The following IKBKE variants were observed in gnomAD, a reference collection of about 807,000 sequenced individuals.
IKBKE encodes the protein inhibitor of nuclear factor kappa-B kinase subunit epsilon.
A neutral mutation model predicts 92.1 loss-of-function variants in IKBKE; 45 were observed. The ratio of observed to expected loss-of-function variants is 0.49; its 90% CI spans 0.38 to 0.63. The LOEUF (loss-of-function observed/expected upper bound fraction) is 0.63. IKBKE is among the 20% of genes least tolerant of loss of function. The pLI is 0.00. For synonymous variants in IKBKE, 374 were observed against 380.3 expected (o/e 0.98, Z 0.19); for missense variants, 700 against 932.8 (o/e 0.75, Z 3.25).
intron 5 of IKBKE, among the ~76,000 whole-genome samples, chr1:206,475,293 A>C (rs1462859853): frequency 6.6e-6 from 1 of 152,212 alleles, no homozygotes; most frequent in Non-Finnish European, 1.5e-5. Flanking sequence ...CCTTGATGAC[A>C]TTATGTTAAG....
In IKBKE at chr1:206,478,626, A is replaced by G. The variant is rs910673831; in HGVS notation, c.992+287A>G. ...TGTACATTTCGTAAAGGTACTGCTC[A>G]TAGTACCCTTGATTCCTGGATAATT... On this transcript the variant is annotated intron_variant, in intron 9 of 21. Coordinates refer to ENST00000581977, the MANE Select transcript of IKBKE (RefSeq NM_014002.4). This position sits in a 1 kb window ranked among gnomAD's most constrained non-coding sequence, Gnocchi z 4.8. 6.6e-6 allele frequency among the ~76,000 whole-genome samples: 1 copy of G among 152,214 alleles called. No homozygotes were observed. The highest frequency in any genetic ancestry group is 2.4e-5 in the African/African-American group (1 of 41,448).
chr1:206,472,558 G>A (rs558376895), intron 2 of IKBKE, among the ~76,000 whole-genome samples: 140 of 148,776 alleles, frequency 9.4e-4, no homozygotes, highest in Middle Eastern at 6.8e-3. Context: ...TCTCCCCAAC[G>A]CCCTACACAC....
rs782804464 is a variant in IKBKE at position 206,479,945 on chromosome 1, AC to A, written c.1248+16del. Reference sequence around the variant, plus strand: ...TACAACACTGCCAAGGTGAGGGGCAACCCCCAGGTGGCAGGGAGGGGCATGA... The same window carrying A: ...TACAACACTGCCAAGGTGAGGGGCAACCCCAGGTGGCAGGGAGGGGCATGA... On this transcript the variant is annotated intron_variant, in intron 11 of 21. Transcript: ENST00000581977. 4.3e-6 allele frequency: 7 copies of A among 1,613,326 alleles called. No homozygotes were observed. In the South Asian group the frequency reaches 7.7e-5, roughly 18 times the overall value.
intron 17 of IKBKE, 35 bp from the exon 18 acceptor site, chr1:206,491,613 C>T: frequency 6.8e-7 from 1 of 1,465,980 alleles, no homozygotes; most frequent in Non-Finnish European, 9.6e-7. Context: ...GTGGTTCTGG[C>T]AGCTCATCTG....
intron 16 of IKBKE, 87 bp downstream of exon 16, chr1:206,488,077 C>A: frequency 8.3e-6 from 8 of 963,660 alleles, no homozygotes; most frequent in South Asian, 1.4e-5. Context: ...CTACCAGTGG[C>A]CACTAACCTC....
intron 18 of IKBKE, 188 bp from the exon 19 acceptor site, chr1:206,492,835 G>T (rs1232548849): frequency 1.4e-5 from 10 of 694,384 alleles, no homozygotes; most frequent in Non-Finnish European, 2.2e-5. Context: ...TCAGCCAGCT[G>T]TGTGCTTCTG....
chr1:206,484,134 T>TATTGTATTGTATTGC lies in IKBKE; in HGVS notation c.1428-849_1428-848insCATTGTATTGTATTG, dbSNP rs1665536936. Among the ~76,000 whole-genome samples, 16 of 151,276 alleles carry TATTGTATTGTATTGC rather than the reference T, an allele frequency of 1.1e-4. No individual in the cohort carries two copies. The South Asian group carries it at 3.4e-3, about 32-fold the overall frequency. ...TATTGTATTGTATTGTATTGTATTG[T>TATTGTATTGTATTGC]ATTGTATTGTATTGTATTGTATTGT... On this transcript the variant is annotated intron_variant, in intron 13 of 21. Transcript: ENST00000581977.
rs782802051 is a variant in IKBKE, at chr1:206,478,110, G to A, written c.813-50G>A. On this transcript the variant is annotated intron_variant, in intron 8 of 21. Transcript: ENST00000581977. This position sits in a 1 kb window ranked among gnomAD's most constrained non-coding sequence, Gnocchi z 4.8. Reference sequence around the variant, plus strand: ...ACGCTCCTATTGCCTGCTTAAGGAGGATAGGTCTGGGCCCCCACCCCTGAC... The same window carrying A: ...ACGCTCCTATTGCCTGCTTAAGGAGAATAGGTCTGGGCCCCCACCCCTGAC... 3.2e-5 allele frequency: 49 copies of A among 1,530,064 alleles called. No homozygotes were observed. Among genetic ancestry groups the A allele is most frequent in the Middle Eastern group, 1.8e-4 (1 of 5,646 alleles). The allele number at this position is 1,530,064 out of a possible 1,614,324, so 94.8% of individuals were successfully genotyped here.
At position 206,496,554 on chromosome 1, in the gene IKBKE, C is replaced by A. The variant is rs1252109873; in HGVS notation, c.*409C>A. On this transcript the variant is annotated 3_prime_UTR_variant, in exon 22 of 22. Coordinates refer to ENST00000581977, the MANE Select transcript of IKBKE (RefSeq NM_014002.4). ...GAGGCCTCCTGGGGTTTCCCCAGGG[C>A]AGTAGGTCAAACGACCTCATCACAG... 1.1e-5 allele frequency: 3 copies of A among 261,160 alleles called. No homozygotes were observed. Among genetic ancestry groups the A allele is most frequent in the Non-Finnish European group, 2.2e-5 (3 of 135,872 alleles). 16.2% of individuals were successfully genotyped at this position (261,160 alleles called of 1,614,324 possible).
chr1:206,494,550 C>T (rs568510699), intron 21 of IKBKE, among the ~76,000 whole-genome samples: 68 of 149,178 alleles, frequency 4.6e-4, no homozygotes, highest in African/African-American at 1.4e-3. Flanking sequence ...AACAGGGCTC[C>T]GACTCTGAGA....
intron 13 of IKBKE, among the ~76,000 whole-genome samples, chr1:206,484,246 C>T (rs1269736251): frequency 3.3e-5 from 5 of 152,142 alleles, no homozygotes; most frequent in African/African-American, 1.2e-4. Flanking sequence ...CCACTTCTGC[C>T]TCCCAAAGTG....
intron 5 of IKBKE, among the ~76,000 whole-genome samples, chr1:206,475,462 C>A (rs188331661): frequency 6.6e-6 from 1 of 152,254 alleles, no homozygotes; most frequent in Non-Finnish European, 1.5e-5. Context: ...AGGCCGGGTG[C>A]AGTGGCTCAT....
intron 4 of IKBKE, 72 bp downstream of exon 4, chr1:206,474,543 G>A (rs1368692984): frequency 1.4e-5 from 20 of 1,427,306 alleles, no homozygotes; most frequent in East Asian, 2.5e-5. Flanking sequence ...CAGGCCACAT[G>A]ATAACAGAGA....
At chr1:206,479,775 T>C in intron 10 of IKBKE, 95 bp from the exon 11 acceptor site, 1 of 1,280,914 alleles carries the variant, frequency 7.8e-7, no homozygotes, top group Non-Finnish European at 1.1e-6. Flanking sequence ...GGTGGGAGAT[T>C]GGCAGTGAGG....
At chr1:206,494,236 G>A (rs946505559) in intron 21 of IKBKE, among the ~76,000 whole-genome samples, 9 of 152,198 alleles carry the variant, frequency 5.9e-5, no homozygotes, top group Non-Finnish European at 8.8e-5. Context: ...CTGGAGGCAT[G>A]GGGTTTGTGC....
At chr1:206,484,472 G>A (rs6661609) in intron 13 of IKBKE, among the ~76,000 whole-genome samples, 7,264 of 152,212 alleles carry the variant, frequency 0.048, 347 homozygotes, top group African/African-American at 0.12. Context: ...CCTTGTCACC[G>A]TGCAAATGCC....
In IKBKE at chr1:206,476,683, C is replaced by T. The variant is rs145940826; in HGVS notation, c.546C>T (p.Pro182=). 2.8e-4 allele frequency: 453 copies of T among 1,614,078 alleles called. No homozygotes were observed. The highest frequency in any genetic ancestry group is 3.3e-4 in the Admixed American group (20 of 60,002). ...ATTCTGGTTCTCTCCGGCAGCATCCCGACATGTATGAGCGGGCGGTGCTTC... is the reference window on the plus strand; with the variant it reads ...ATTCTGGTTCTCTCCGGCAGCATCCTGACATGTATGAGCGGGCGGTGCTTC... ...SVYGTEEYLH[P]DMYERAVLRK... The change falls in exon 7 of 22, where the codon CCC becomes CCT. Residue 182 remains proline (P), a synonymous_variant. Coordinates refer to ENST00000581977, the MANE Select transcript of IKBKE (RefSeq NM_014002.4). This position sits in a 1 kb window ranked among gnomAD's most constrained non-coding sequence, Gnocchi z 5.1.
chr1:206,473,250 T>C lies in IKBKE; in HGVS notation c.23T>C (p.Leu8Pro). 6.2e-7 allele frequency: 1 copy of C among 1,613,098 alleles called. No individual in the cohort carries two copies. Among genetic ancestry groups the C allele is most frequent in the Non-Finnish European group, 8.5e-7 (1 of 1,179,608 alleles). Residue 8 changes from leucine (L) to proline (P), a missense_variant, in exon 3 of 22, where the codon CTG becomes CCG. Physicochemically the swap from Leu to Pro is moderately conservative, Grantham distance 98. Transcript: ENST00000581977. MQSTANY[L>P]WHTDDLLGQG... ...GAGATGCAGAGCACAGCCAATTACC[T>C]GTGGCACACAGATGACCTGCTGGGG...
chr1:206,488,025 CCT>C (rs1220125529), intron 16 of IKBKE, 35 bp downstream of exon 16: 8 of 1,465,720 alleles, frequency 5.5e-6, no homozygotes, highest in Non-Finnish European at 7.6e-6. Flanking sequence ...CCTTCTCTCT[CCT>C]CTGTCTCCCT....
Sources: gnomAD v4.1 joint callset for allele counts (sites outside exome capture counted in the v4.1 genomes callset) on GRCh38, gnomAD v4.1.1 for gene constraint, Gnocchi (gnomAD v3.1) non-coding constraint, MANE v1.5 for transcripts, NCBI Gene and HGNC (gene_info 2026-07-23, HGNC 2026-07-21) for gene names.